The following RAD1 variants were observed in gnomAD, a reference collection of about 807,000 sequenced individuals.
RAD1 encodes cell cycle checkpoint protein RAD1.
In RAD1, 21 loss-of-function variants were observed where a neutral mutation model predicts 30.0. The ratio of observed to expected loss-of-function variants is 0.70; its 90% CI spans 0.50 to 1.01. The LOEUF (loss-of-function observed/expected upper bound fraction) is 1.01, where lower values mean the gene tolerates loss of function less well. RAD1 is among the 50% of genes least tolerant of loss of function. The pLI is 0.00. For missense variants in RAD1, 329 were observed against 329.0 expected (o/e 1.00, Z 0.00); for synonymous variants, 109 against 113.6 (o/e 0.96, Z 0.26).
At chr5:34,913,838 A>T in intron 2 of RAD1, 1 of 503,780 alleles carries the variant, frequency 2.0e-6, no homozygotes, top group South Asian at 1.8e-5. Context: ...CACTTGGAAA[A>T]TAGACGAATG....
intron 2 of RAD1, 158 bp from the exon 3 acceptor site, chr5:34,913,736 T>C (rs962092106): frequency 5.1e-6 from 3 of 591,588 alleles, no homozygotes; most frequent in African/African-American, 3.7e-5. Flanking sequence ...GAGACATCCT[T>C]TGAAGCATCC....
At chr5:34,912,221 T>C (rs1046065991) in intron 3 of RAD1, among the ~76,000 whole-genome samples, 4 of 152,270 alleles carry the variant, frequency 2.6e-5, no homozygotes, top group African/African-American at 9.6e-5. Context: ...TCATCTGTAC[T>C]GTAACGTCAG....
intron 4 of RAD1, among the ~76,000 whole-genome samples, chr5:34,911,267 G>C (rs1181122460): frequency 6.6e-6 from 1 of 152,058 alleles, no homozygotes. Context: ...GATGTAACCT[G>C]ATCTATGAAA....
At chr5:34,912,320 A>G (rs1006799686) in intron 3 of RAD1, among the ~76,000 whole-genome samples, 17 of 152,200 alleles carry the variant, frequency 1.1e-4, no homozygotes, top group African/African-American at 3.9e-4. Context: ...AATTGAGAGA[A>G]AAAGAGGGTT....
Position 34,908,704 on chromosome 5 carries a change from A to C in RAD1, c.*61T>G. 1 of 1,402,882 alleles carries C rather than the reference A, an allele frequency of 7.1e-7. No homozygotes were observed. The highest frequency in any genetic ancestry group is 9.7e-7 in the Non-Finnish European group (1 of 1,025,770). The allele number at this position is 1,402,882 out of a possible 1,614,324, so 86.9% of individuals were successfully genotyped here. On this transcript the variant is annotated 3_prime_UTR_variant, in exon 6 of 6. Transcript: ENST00000382038. Reference sequence around the variant, plus strand: ...AATATGAAATGACAAAGAGTACTGTACTCAGAATAAGAACTTCATCTATCA... The same window carrying C: ...AATATGAAATGACAAAGAGTACTGTCCTCAGAATAAGAACTTCATCTATCA...
chr5:34,913,599 A>T, intron 2 of RAD1, 21 bp from the exon 3 acceptor site: 1 of 1,443,426 alleles, frequency 6.9e-7, no homozygotes, highest in African/African-American at 1.4e-5. Flanking sequence ...AGTAAAAATG[A>T]AAATTGTTAC....
intron 2 of RAD1, among the ~76,000 whole-genome samples, chr5:34,914,269 A>G (rs1212354250): frequency 6.6e-6 from 1 of 152,226 alleles, no homozygotes; most frequent in African/African-American, 2.4e-5. Flanking sequence ...TCTTATCCCA[A>G]TTCAGCCACT....
At position 34,914,885 on chromosome 5, in the gene RAD1, A is replaced by T; in HGVS notation, c.8T>A (p.Leu3His). 1 of 1,613,996 alleles carries T rather than the reference A, an allele frequency of 6.2e-7. No homozygotes were observed. The highest frequency in any genetic ancestry group is 8.5e-7 in the Non-Finnish European group (1 of 1,180,004). The change falls in exon 2 of 6, where the codon CTT becomes CAT. Residue 3 changes from leucine (L) to histidine (H), a missense_variant. Leu to His is a moderately conservative substitution (Grantham distance 99). Transcript: ENST00000382038. The part of the protein sequence containing the change: MP[L>H]LTQQIQDEDD... ...CTCGTCTTGGATCTGTTGGGTCAGA[A>T]GGGGCATCGTCCACTGCGCATTCGG...
At chr5:34,910,889 G>C (rs537316803) in intron 4 of RAD1, among the ~76,000 whole-genome samples, 5 of 152,222 alleles carry the variant, frequency 3.3e-5, no homozygotes, top group Non-Finnish European at 5.9e-5. Context: ...CCTGAAAAGA[G>C]ACTTGTGTTA....
Position 34,905,307 on chromosome 5 carries a change from G to T in RAD1, c.*3458C>A, listed in dbSNP as rs342471. 2.4e-3 allele frequency: 371 copies of T among 152,314 alleles called. 4 individuals are homozygous for T. The highest frequency in any genetic ancestry group is 8.7e-3 in the African/African-American group (361 of 41,548). 9.4% of individuals were successfully genotyped at this position (152,314 alleles called of 1,614,324 possible). A position where few individuals can be genotyped will look rare whatever the true frequency, so the allele number is the denominator to read the frequency against. The stretch of plus-strand genomic sequence containing the variant: ...TATTTCAGGTGGGGATAAGGGACAA[G>T]CAATGTGAAGACAGGGAAGGAAAGA... On this transcript the variant is annotated 3_prime_UTR_variant, in exon 6 of 6. Coordinates refer to ENST00000382038, the MANE Select transcript of RAD1 (RefSeq NM_002853.4).
Position 34,914,809 on chromosome 5 carries a change from GGAGA to G in RAD1, c.80_83del (p.Leu27ProfsTer4). On this transcript the variant is annotated frameshift_variant, in exon 2 of 6. Transcript: ENST00000382038. LOFTEE classifies it high-confidence loss of function. ...GGAAATGAATAGCTTTCAAGATAGTGGAGAGATTCCTAACGTTGTCAAGGCTGGC... is the reference window on the plus strand; with the variant it reads ...GGAAATGAATAGCTTTCAAGATAGTGGATTCCTAACGTTGTCAAGGCTGGC... The G allele has an allele frequency of 6.2e-7, 1 of 1,614,228 alleles. No homozygotes were observed. The highest frequency in any genetic ancestry group is 8.5e-7 in the Non-Finnish European group (1 of 1,180,036).
chr5:34,911,496 C>G, intron 4 of RAD1, 58 bp downstream of exon 4: 2 of 1,563,050 alleles, frequency 1.3e-6, no homozygotes, highest in Non-Finnish European at 1.7e-6. Flanking sequence ...AAGCAAATGT[C>G]TAAGTGGGAA....
At chr5:34,910,927 T>C (rs779492894) in intron 4 of RAD1, among the ~76,000 whole-genome samples, 8 of 152,366 alleles carry the variant, frequency 5.3e-5, no homozygotes, top group Non-Finnish European at 1.0e-4. Context: ...TTTTTGACAT[T>C]GTACTCCTGC....
chr5:34,914,999 G>T, intron 1 of RAD1, 38 bp from the exon 2 acceptor site: 1 of 1,199,292 alleles, frequency 8.3e-7, no homozygotes, highest in Non-Finnish European at 1.2e-6. Flanking sequence ...ATCAGTGCTG[G>T]CGAGGTCCGG....
In RAD1 at chr5:34,906,420, C is replaced by CT; in HGVS notation, c.*2344dup. On this transcript the variant is annotated 3_prime_UTR_variant, in exon 6 of 6. Coordinates refer to ENST00000382038, the MANE Select transcript of RAD1 (RefSeq NM_002853.4). ...TTGGGAGGCCGAGGCGGGTGGATTG[C>CT]TTGAGCTCAGGAGTTCAAGATTAGC... is the stretch of plus-strand genomic sequence containing the variant. 1 of 152,218 alleles carries CT rather than the reference C, an allele frequency of 6.6e-6. No individual in the cohort carries two copies. The highest frequency in any genetic ancestry group is 2.4e-5 in the African/African-American group (1 of 41,532). The allele number at this position is 152,218 out of a possible 1,614,324, so 9.4% of individuals were successfully genotyped here. A position where few individuals can be genotyped will look rare whatever the true frequency, so the allele number is the denominator to read the frequency against.
chr5:34,911,730 T>A lies in RAD1; in HGVS notation c.390A>T (p.Thr130=). Reference sequence around the variant, plus strand: ...GTTCCTGTGTATTGATTTTGCAGACTGTCACCACTCCTCCTTCTTCCAGGA... The same window carrying A: ...GTTCCTGTGTATTGATTTTGCAGACAGTCACCACTCCTCCTTCTTCCAGGA... ...MLFLEEGGVV[T]VCKINTQEPE... is the part of the protein sequence containing the mutation. The change falls in exon 4 of 6, where the codon ACA becomes ACT. Residue 130 remains threonine, a synonymous_variant. Transcript: ENST00000382038. The A allele has an allele frequency of 6.2e-7, 1 of 1,614,190 alleles. No individual in the cohort carries two copies. Among genetic ancestry groups the A allele is most frequent in the South Asian group, 1.1e-5 (1 of 91,084 alleles).
intron 1 of RAD1, among the ~76,000 whole-genome samples, 169 bp from the exon 2 acceptor site, chr5:34,915,130 A>C (rs1764010121): frequency 6.6e-6 from 1 of 152,198 alleles, no homozygotes; most frequent in South Asian, 2.1e-4. Flanking sequence ...TATCTAAGCT[A>C]CGGTTTCCTC....
intron 2 of RAD1, chr5:34,914,066 T>C (rs1026834924): frequency 6.6e-6 from 3 of 454,252 alleles, no homozygotes; most frequent in Admixed American, 2.4e-5. Context: ...TACCTCTCTA[T>C]CCCTGAGATC....
chr5:34,914,038 C>T (rs982593403), intron 2 of RAD1: 8 of 456,256 alleles, frequency 1.8e-5, no homozygotes, highest in Non-Finnish European at 3.1e-5. Flanking sequence ...TGCATGAGGA[C>T]AAGAACCGTG....
Sources: gnomAD v4.1 joint callset for allele counts (sites outside exome capture counted in the v4.1 genomes callset) on GRCh38, gnomAD v4.1.1 for gene constraint, MANE v1.5 for transcripts, NCBI Gene and HGNC (gene_info 2026-07-23, HGNC 2026-07-21) for gene names.